NPAS3: variants seen among roughly 807,000 people sequenced by gnomAD.
NPAS3 encodes neuronal PAS domain-containing protein 3.
NPAS3 carries 14 observed loss-of-function variants against 73.1 expected under a neutral mutation model. That is an observed-to-expected ratio of 0.19 (90% CI 0.13 to 0.30). NPAS3 has a LOEUF of 0.30. Ranked by LOEUF, NPAS3 falls within the 10% of genes least tolerant of loss-of-function variation. The probability of loss-of-function intolerance (pLI) is 1.00; values close to 1 mark genes in which losing one functional copy is unlikely to be tolerated. For missense variants in NPAS3, 1,096 were observed against 1,250.0 expected, an observed-to-expected ratio of 0.88 and a Z score of 1.86; for synonymous variants, 620 against 541.5, an observed-to-expected ratio of 1.14 and a Z score of -2.01.
intron 4 of NPAS3, among the ~76,000 whole-genome samples, chr14:33,453,228 C>G (rs781080525): frequency 1.3e-5 from 2 of 152,146 alleles, no homozygotes; most frequent in Admixed American, 6.6e-5. Context: ...TTAAGACCTG[C>G]CTGAAAGCTG....
intron 4 of NPAS3, among the ~76,000 whole-genome samples, chr14:33,425,532 C>T (rs1430881744): frequency 2.1e-5 from 3 of 140,416 alleles, no homozygotes; most frequent in Admixed American, 7.2e-5. Context: ...TCCCTGTTTC[C>T]ACTCCACCTT....
At chr14:33,774,492 A>T in exon 8 of NPAS3, 1 of 1,614,162 alleles carries the variant, frequency 6.2e-7, no homozygotes, top group Non-Finnish European at 8.5e-7. Flanking sequence ...TCGTCACTCG[A>T]GTAAATATGG....
intron 9 of NPAS3, chr14:33,780,617 G>C: frequency 2.2e-6 from 1 of 454,678 alleles, no homozygotes; most frequent in South Asian, 1.6e-5. Flanking sequence ...ATCTCTCTGG[G>C]ATTTGATTTA....
intron 1 of NPAS3, among the ~76,000 whole-genome samples, chr14:33,048,005 G>T (rs1370467676): frequency 1.3e-5 from 2 of 152,168 alleles, no homozygotes; most frequent in African/African-American, 2.4e-5. Context: ...TTCTCTTAAA[G>T]CAGAATTTGC....
intron 9 of NPAS3, among the ~76,000 whole-genome samples, chr14:33,783,207 A>G (rs2063035226): frequency 6.6e-6 from 1 of 152,350 alleles, no homozygotes; most frequent in African/African-American, 2.4e-5. Flanking sequence ...GCCACTGCAC[A>G]CAGAAACGGA....
At chr14:33,412,229 C>G (rs991536365) in intron 4 of NPAS3, among the ~76,000 whole-genome samples, 5 of 152,106 alleles carry the variant, frequency 3.3e-5, no homozygotes, top group African/African-American at 1.2e-4. Context: ...AGCAATTCTT[C>G]TACATCAGCC....
intron 8 of NPAS3, among the ~76,000 whole-genome samples, chr14:33,776,387 C>T (rs1057305235): frequency 1.3e-5 from 2 of 151,900 alleles, no homozygotes; most frequent in African/African-American, 4.8e-5. Flanking sequence ...TATCCCAAAA[C>T]ATCACTTAAT....
At position 33,075,536 on chromosome 14, in the gene NPAS3, C is replaced by A. The variant is rs995781941; in HGVS notation, c.140+19542C>A. On this transcript the variant is annotated intron_variant, in intron 2 of 11. Coordinates refer to ENST00000356141, the Ensembl canonical transcript of NPAS3. Reference sequence around the variant, plus strand: ...ACCAAAGCATAACTAGTACTTGATTCTCTTGAGATTAGCAGTGTTGTTGGC... The same window carrying A: ...ACCAAAGCATAACTAGTACTTGATTATCTTGAGATTAGCAGTGTTGTTGGC... Among the ~76,000 whole-genome samples the A allele has an allele frequency of 3.3e-5, 5 of 152,264 alleles. No homozygotes were observed. In the South Asian group the frequency reaches 1.0e-3, roughly 32 times the overall value.
At chr14:33,113,069 G>A (rs1462876299) in intron 2 of NPAS3, among the ~76,000 whole-genome samples, 1 of 152,128 alleles carries the variant, frequency 6.6e-6, no homozygotes, top group East Asian at 1.9e-4. Context: ...GGTTACTGTA[G>A]CCTTGTAGTA....
At chr14:33,084,311 G>A (rs533827223) in intron 2 of NPAS3, among the ~76,000 whole-genome samples, 4 of 152,242 alleles carry the variant, frequency 2.6e-5, no homozygotes, top group African/African-American at 9.6e-5. Flanking sequence ...ATATATGCTT[G>A]GGTCTGCATT....
chr14:33,296,070 A>G (rs1032304145), intron 3 of NPAS3, among the ~76,000 whole-genome samples: 2 of 152,214 alleles, frequency 1.3e-5, no homozygotes, highest in Admixed American at 1.3e-4. Flanking sequence ...TTTCTTCCAA[A>G]TGTTTCCCTG....
chr14:32,996,510 T>C (rs894248185), intron 1 of NPAS3, among the ~76,000 whole-genome samples: 31 of 152,286 alleles, frequency 2.0e-4, no homozygotes, highest in Admixed American at 1.8e-3. Flanking sequence ...ACTGGTTTTG[T>C]GAGCCGGGCC....
intron 5 of NPAS3, among the ~76,000 whole-genome samples, chr14:33,669,156 T>G (rs1465983572): frequency 3.3e-5 from 5 of 152,178 alleles, no homozygotes; most frequent in Non-Finnish European, 5.9e-5. Flanking sequence ...ATTCATTTGA[T>G]CTCCAGAAAA....
At chr14:32,941,342 T>TCCTTCCTA (rs1321132852) in intron 1 of NPAS3, among the ~76,000 whole-genome samples, 2 of 126,264 alleles carry the variant, frequency 1.6e-5, no homozygotes, top group Non-Finnish European at 3.3e-5. Flanking sequence ...CTTCCTTCCT[T>TCCTTCCTA]CCTTCCTTCT....
intron 1 of NPAS3, among the ~76,000 whole-genome samples, chr14:32,947,567 A>G (rs2036311917): frequency 6.6e-6 from 1 of 152,072 alleles, no homozygotes; most frequent in Non-Finnish European, 1.5e-5. Context: ...TACACAGCAT[A>G]TATATGTCAC....
At chr14:33,045,959 C>T (rs1297183969) in intron 1 of NPAS3, among the ~76,000 whole-genome samples, 16 of 152,190 alleles carry the variant, frequency 1.1e-4, no homozygotes, top group African/African-American at 3.9e-4. Context: ...GTACACGTCA[C>T]TGACCTTGTT....
At chr14:33,145,283 C>T (rs1304118688) in intron 2 of NPAS3, among the ~76,000 whole-genome samples, 1 of 152,072 alleles carries the variant, frequency 6.6e-6, no homozygotes, top group Non-Finnish European at 1.5e-5. Context: ...AATAAAAGTC[C>T]AACAGGATAT....
At chr14:33,495,803 C>T (rs1213581212) in intron 4 of NPAS3, among the ~76,000 whole-genome samples, 1 of 151,964 alleles carries the variant, frequency 6.6e-6, no homozygotes, top group African/African-American at 2.4e-5. Flanking sequence ...GCAACCTCTA[C>T]TTTATTTTGC....
At chr14:33,200,736 C>T (rs1044979044) in intron 2 of NPAS3, among the ~76,000 whole-genome samples, 1 of 152,130 alleles carries the variant, frequency 6.6e-6, no homozygotes, top group Non-Finnish European at 1.5e-5. Context: ...ACTTTGGGGC[C>T]ACATTCCAAT....
Sources: gnomAD v4.1 joint callset for allele counts (sites outside exome capture counted in the v4.1 genomes callset) on GRCh38, gnomAD v4.1.1 for gene constraint, MANE v1.5 for transcripts, NCBI Gene and HGNC (gene_info 2026-07-23, HGNC 2026-07-21) for gene names.